Variants in ZZEF1 observed in about 807,000 individuals in gnomAD.
ZZEF1 encodes zinc finger ZZ-type and EF-hand domain containing 1, also known as zinc finger ZZ-type and EF-hand domain-containing protein 1.
A neutral mutation model predicts 342.8 loss-of-function variants in ZZEF1; 157 were observed. The ratio of observed to expected loss-of-function variants is 0.46; its 90% CI spans 0.40 to 0.52. ZZEF1 has a LOEUF of 0.52. Ranked by LOEUF, ZZEF1 falls within the 20% of genes least tolerant of loss-of-function variation. The probability of loss-of-function intolerance (pLI) is 0.00; values close to 1 mark genes in which losing one functional copy is unlikely to be tolerated. For synonymous variants in ZZEF1, 1,505 were observed against 1,429.1 expected (o/e 1.05, Z -1.20); for missense variants, 3,480 against 3,725.6 (o/e 0.93, Z 1.72).
intron 1 of ZZEF1, among the ~76,000 whole-genome samples, chr17:4,132,944 C>T (rs139933021): frequency 0.016 from 2,500 of 151,548 alleles, 79 homozygotes; most frequent in African/African-American, 0.057. Context: ...CCAGCCTGGG[C>T]GACAGAGCGA....
Position 4,009,535 on chromosome 17 carries a change from G to T in ZZEF1, c.8733+69C>A, listed in dbSNP as rs1173481114. ...AGGCTCGGATGAGGCAGCAGCTTCT[G>T]CCCTGGGTAGCAGAGGGAGCAAACG... is the stretch of plus-strand genomic sequence containing the variant. On this transcript the variant is annotated intron_variant, in intron 53 of 54. Coordinates refer to ENST00000381638, the MANE Select transcript of ZZEF1 (RefSeq NM_015113.4). 1.9e-6 allele frequency: 3 copies of T among 1,601,634 alleles called. No individual in the cohort carries two copies. In the East Asian group the frequency reaches 6.7e-5, roughly 36 times the overall value.
intron 6 of ZZEF1, among the ~76,000 whole-genome samples, chr17:4,108,635 T>C (rs1051994122): frequency 6.6e-6 from 1 of 152,194 alleles, no homozygotes; most frequent in Admixed American, 6.5e-5. Flanking sequence ...TGTCAGTAAA[T>C]GTTCTTGTTT....
intron 30 of ZZEF1, among the ~76,000 whole-genome samples, chr17:4,061,183 G>C (rs1196151550): frequency 2.0e-5 from 3 of 152,166 alleles, no homozygotes; most frequent in African/African-American, 7.2e-5. Flanking sequence ...TCTCACATTA[G>C]TATTTGACAC....
At chr17:4,102,247 TG>T in intron 9 of ZZEF1, 69 bp downstream of exon 9, 1 of 1,370,506 alleles carries the variant, frequency 7.3e-7, no homozygotes, top group Non-Finnish European at 1.0e-6. Flanking sequence ...TTTCAAAGTC[TG>T]GAGTGTGCTT....
Position 4,076,755 on chromosome 17 carries a change from A to G in ZZEF1, c.3116T>C (p.Ile1039Thr). Residue 1039 changes from isoleucine to threonine, a missense_variant, in exon 21 of 55, where the codon ATC (isoleucine) becomes ACC (threonine). By Grantham distance (89) the Ile-to-Thr change is moderately conservative. This residue lies in a region of ZZEF1 where 1,528 missense variants were observed against 1,624.1 expected (regional missense o/e 0.94). Transcript: ENST00000381638. ...VFSMAARQLV[I>T]FLLDFCTLDI... ...TAAAGTGCAGAAGTCCAGCAGGAAG[A>G]TAACCTAATGGAAGATGGATGAAGC... 1 of 1,607,160 alleles carries G rather than the reference A, an allele frequency of 6.2e-7. No individual in the cohort carries two copies. The highest frequency in any genetic ancestry group is 8.5e-7 in the Non-Finnish European group (1 of 1,176,150).
At chr17:4,129,273 C>T (rs188206614) in intron 1 of ZZEF1, among the ~76,000 whole-genome samples, 5 of 152,238 alleles carry the variant, frequency 3.3e-5, no homozygotes, top group African/African-American at 1.2e-4. Flanking sequence ...TTTAAAAGCT[C>T]TTGAAGGGAG....
chr17:4,074,458 A>G (rs754591825), intron 23 of ZZEF1, 107 bp from the exon 24 acceptor site: 2 of 1,174,892 alleles, frequency 1.7e-6, no homozygotes, highest in Non-Finnish European at 2.5e-6. Context: ...ATTGATCTCT[A>G]TTTCCACATG....
chr17:4,104,727 T>C lies in ZZEF1; in HGVS notation c.1479A>G (p.Leu493=), dbSNP rs7222392. ...RGSVAKVMSS[L]CTITDHLDTQ... is the part of the protein sequence containing the mutation. ...TGTCCAGATGGTCAGTGATGGTGCA[T>C]AGAGAGCTCATGACTTTGGCAACAC... The change falls in exon 8 of 55, where the codon CTA becomes CTG. Residue 493 remains leucine (L), a synonymous_variant. Transcript: ENST00000381638. 216,922 of 1,613,910 alleles carry C rather than the reference T, an allele frequency of 0.13. 15,506 individuals are homozygous for C. The highest frequency in any genetic ancestry group is 0.2 in the African/African-American group (15,300 of 74,962).
At chr17:4,009,359 A>C in intron 53 of ZZEF1, 1 of 598,182 alleles carries the variant, frequency 1.7e-6, no homozygotes, top group Non-Finnish European at 3.0e-6. Flanking sequence ...TCAAGGGCTG[A>C]TCCCGGGCAG....
At chr17:4,071,928 G>C (rs1032315267) in intron 25 of ZZEF1, among the ~76,000 whole-genome samples, 13 of 152,134 alleles carry the variant, frequency 8.5e-5, no homozygotes, top group African/African-American at 3.1e-4. Context: ...AGGGAAGAAA[G>C]CCTGAATAAA....
Position 4,086,673 on chromosome 17 carries a change from A to T in ZZEF1, c.2343-18T>A. The stretch of plus-strand genomic sequence containing the variant: ...CCCTCGGGCTACAGAAAGACAAAAA[A>T]CATCAGAGAGCAAAAGGGCAAGTTG... On this transcript the variant is annotated intron_variant, in intron 14 of 54. Coordinates refer to ENST00000381638, the MANE Select transcript of ZZEF1 (RefSeq NM_015113.4). 6.2e-7 allele frequency: 1 copy of T among 1,612,884 alleles called. No homozygotes were observed. The highest frequency in any genetic ancestry group is 8.5e-7 in the Non-Finnish European group (1 of 1,179,930).
intron 18 of ZZEF1, among the ~76,000 whole-genome samples, 174 bp from the exon 19 acceptor site, chr17:4,078,216 T>C (rs567776842): frequency 6.6e-6 from 1 of 152,246 alleles, no homozygotes; most frequent in South Asian, 2.1e-4. Flanking sequence ...TTACGAAAAC[T>C]CCCCTTTCCC....
At chr17:4,030,402 T>C (rs750526168) in intron 42 of ZZEF1, among the ~76,000 whole-genome samples, 8 of 152,236 alleles carry the variant, frequency 5.3e-5, no homozygotes, top group Non-Finnish European at 1.0e-4. Flanking sequence ...TTCAACGTAA[T>C]GATTTTTCAA....
intron 39 of ZZEF1, among the ~76,000 whole-genome samples, chr17:4,036,753 C>G (rs1446868372): frequency 6.7e-6 from 1 of 149,160 alleles, no homozygotes; most frequent in Non-Finnish European, 1.5e-5. Context: ...AAGAGAATCA[C>G]TGCTCTAAAT....
intron 51 of ZZEF1, 92 bp downstream of exon 51, chr17:4,013,998 A>C: frequency 3.2e-6 from 4 of 1,263,912 alleles, no homozygotes; most frequent in Non-Finnish European, 4.5e-6. Flanking sequence ...ACCTGCTTTG[A>C]TTTTAACCAA....
At chr17:4,052,389 GA>G (rs1480058714) in intron 34 of ZZEF1, among the ~76,000 whole-genome samples, 1 of 152,160 alleles carries the variant, frequency 6.6e-6, no homozygotes, top group Admixed American at 6.5e-5. Flanking sequence ...CTGTTTGGTG[GA>G]AACAAGTCCA....
intron 34 of ZZEF1, among the ~76,000 whole-genome samples, chr17:4,052,702 A>G (rs1158064368): frequency 3.3e-5 from 5 of 152,222 alleles, no homozygotes; most frequent in African/African-American, 1.2e-4. Flanking sequence ...CCTCGTCTCT[A>G]TTGAAAATAC....
chr17:4,059,671 G>A (rs781827), intron 30 of ZZEF1, among the ~76,000 whole-genome samples: 75,236 of 151,956 alleles, frequency 0.5, 20,946 homozygotes, highest in African/African-American at 0.77. Flanking sequence ...TTTGGCACCA[G>A]CCTCACTGTC....
intron 46 of ZZEF1, among the ~76,000 whole-genome samples, chr17:4,018,610 C>G (rs1484955112): frequency 6.6e-6 from 1 of 152,146 alleles, no homozygotes; most frequent in East Asian, 1.9e-4. Context: ...TGGTTACAGC[C>G]TGGTGTTTGC....
Sources: allele counts gnomAD v4.1 joint callset (sites outside exome capture counted in the v4.1 genomes callset), GRCh38; gene constraint gnomAD v4.1.1; regional missense constraint gnomAD v4.1.1; transcripts MANE v1.5; gene names NCBI Gene and HGNC (gene_info 2026-07-23, HGNC 2026-07-21).